The following ATAD2B variants were observed in gnomAD, a reference collection of about 807,000 sequenced individuals.
ATAD2B encodes ATPase family AAA domain containing 2B, also known as ATPase family AAA domain-containing protein 2B.
In ATAD2B, 40 loss-of-function variants were observed where a neutral mutation model predicts 167.6. The ratio of observed to expected loss-of-function variants is 0.24; its 90% CI spans 0.19 to 0.31. The LOEUF (loss-of-function observed/expected upper bound fraction) is 0.31, where lower values mean the gene tolerates loss of function less well. ATAD2B is among the 10% of genes least tolerant of loss of function. The pLI is 1.00. For synonymous variants in ATAD2B, 579 were observed against 596.5 expected (o/e 0.97, Z 0.43); for missense variants, 1,242 against 1,757.2 (o/e 0.71, Z 5.24).
Position 23,915,849 on chromosome 2 carries a change from C to T in ATAD2B, c.216+10706G>A, listed in dbSNP as rs562135018. Reference sequence around the variant, plus strand: ...CTCATGATCCGCCTGCCTCAGCCTCCCAAAGTGCTGGGATTACAGGCATGA... The same window carrying T: ...CTCATGATCCGCCTGCCTCAGCCTCTCAAAGTGCTGGGATTACAGGCATGA... On this transcript the variant is annotated intron_variant, in intron 1 of 27. Coordinates refer to ENST00000238789, the MANE Select transcript of ATAD2B (RefSeq NM_017552.4). Among the ~76,000 whole-genome samples the T allele has an allele frequency of 3.9e-5, 6 of 152,096 alleles. No individual in the cohort carries two copies. The South Asian group carries it at 1.2e-3, about 32-fold the overall frequency.
rs566841920 is a variant in ATAD2B, at chr2:23,767,157, T to C, written c.3134-1529A>G. Among the ~76,000 whole-genome samples, 13 of 152,110 alleles carry C rather than the reference T, an allele frequency of 8.5e-5. No individual in the cohort carries two copies. The East Asian group carries it at 2.5e-3, about 29-fold the overall frequency. ...CCTGCTCTACCCTGACTCATTCCAA[T>C]TACCTGCTCCACCCTGACTCATTCC... On this transcript the variant is annotated intron_variant, in intron 22 of 27. Transcript: ENST00000238789.
chr2:23,745,331 GAGAA>G (rs537531723), downstream of ATAD2B, among the ~76,000 whole-genome samples: 11 of 140,106 alleles, frequency 7.9e-5, no homozygotes, highest in East Asian at 2.2e-3. Context: ...GCGAGAAAGA[GAGAA>G]AGAGACAGAG....
At chr2:23,817,477 T>C (rs1686628383) in intron 17 of ATAD2B, among the ~76,000 whole-genome samples, 1 of 152,190 alleles carries the variant, frequency 6.6e-6, no homozygotes. Flanking sequence ...GGACAGCAAA[T>C]ATCACTACTT....
intron 1 of ATAD2B, among the ~76,000 whole-genome samples, chr2:23,924,308 C>T (rs1319905827): frequency 6.6e-6 from 1 of 152,160 alleles, no homozygotes; most frequent in African/African-American, 2.4e-5. Context: ...TCTGCGAAAG[C>T]AACAACACGG....
intron 1 of ATAD2B, among the ~76,000 whole-genome samples, chr2:23,920,752 T>A (rs72796340): frequency 0.12 from 18,326 of 152,166 alleles, 1,196 homozygotes; most frequent in Middle Eastern, 0.21. Flanking sequence ...AACACATACA[T>A]GATTCCCCCC....
At chr2:23,691,959 G>C in the ATAD2B span, 1 of 1,389,974 alleles carries the variant, frequency 7.2e-7, no homozygotes, top group African/African-American at 1.4e-5. Flanking sequence ...GACTGAGCGG[G>C]GAGGTCTGTG....
the ATAD2B span, among the ~76,000 whole-genome samples, chr2:23,736,611 G>A: frequency 4.6e-5 from 7 of 152,130 alleles, no homozygotes; most frequent in African/African-American, 7.2e-5. Flanking sequence ...AGCTCCCAGC[G>A]TGAGCAATGC....
At chr2:23,681,799 T>C in the ATAD2B span, among the ~76,000 whole-genome samples, 53 of 152,272 alleles carry the variant, frequency 3.5e-4, no homozygotes, top group East Asian at 9.7e-3. The surrounding 1 kb of genome is among the most constrained non-coding windows in gnomAD (Gnocchi z 4.2). Flanking sequence ...AAAGGGGATG[T>C]CATCTACCTG....
At chr2:23,768,747 C>A (rs1049717908) in intron 22 of ATAD2B, among the ~76,000 whole-genome samples, 2 of 152,064 alleles carry the variant, frequency 1.3e-5, no homozygotes, top group Admixed American at 6.6e-5. Flanking sequence ...AGTGGAATCA[C>A]AAAGAATATT....
chr2:23,790,888 T>C (rs1441370039), intron 19 of ATAD2B, among the ~76,000 whole-genome samples: 1 of 152,216 alleles, frequency 6.6e-6, no homozygotes, highest in African/African-American at 2.4e-5. Context: ...TACAGATGTG[T>C]AGCCATCACA....
At chr2:23,706,004 G>A in the ATAD2B span, among the ~76,000 whole-genome samples, 1 of 152,220 alleles carries the variant, frequency 6.6e-6, no homozygotes, top group Non-Finnish European at 1.5e-5. Flanking sequence ...GCAGCACCAG[G>A]TCACACAGAA....
At chr2:23,832,343 A>ATCT (rs1427975429) in intron 14 of ATAD2B, 2 of 371,834 alleles carry the variant, frequency 5.4e-6, no homozygotes, top group Middle Eastern at 7.5e-4. Flanking sequence ...AATGACTTAG[A>ATCT]TTTCAGTCTC....
the ATAD2B span, among the ~76,000 whole-genome samples, chr2:23,743,183 C>G: frequency 1.3e-5 from 2 of 151,332 alleles, no homozygotes; most frequent in Admixed American, 1.3e-4. Context: ...TGGTGTACAC[C>G]AATGCAAAAT....
intron 13 of ATAD2B, among the ~76,000 whole-genome samples, chr2:23,841,817 G>T (rs140027676): frequency 6.6e-6 from 1 of 152,170 alleles, no homozygotes; most frequent in Non-Finnish European, 1.5e-5. Context: ...CACTCATCCA[G>T]AAATTCATTC....
At chr2:23,816,049 A>G (rs1269970673) in intron 17 of ATAD2B, among the ~76,000 whole-genome samples, 1 of 152,230 alleles carries the variant, frequency 6.6e-6, no homozygotes, top group Admixed American at 6.5e-5. Flanking sequence ...AAACATTTGA[A>G]TGAGTGAATG....
intron 10 of ATAD2B, among the ~76,000 whole-genome samples, chr2:23,866,196 A>G (rs763655206): frequency 8.5e-5 from 13 of 152,316 alleles, no homozygotes; most frequent in Admixed American, 3.3e-4. Flanking sequence ...ACCTGAGCTT[A>G]GGAGTTCGAG....
intron 22 of ATAD2B, among the ~76,000 whole-genome samples, chr2:23,766,950 A>C (rs989972716): frequency 6.6e-6 from 1 of 151,352 alleles, no homozygotes; most frequent in East Asian, 1.9e-4. Context: ...GTGCAGGTTC[A>C]GAAAATACCA....
chr2:23,718,050 T>C, the ATAD2B span, among the ~76,000 whole-genome samples: 1 of 152,224 alleles, frequency 6.6e-6, no homozygotes, highest in Non-Finnish European at 1.5e-5. Flanking sequence ...TAAGATGGTG[T>C]AGGTATATTC....
chr2:23,872,582 G>A (rs1696167642), intron 8 of ATAD2B: 2 of 1,234,946 alleles, frequency 1.6e-6, no homozygotes, highest in Non-Finnish European at 2.4e-6. Context: ...CGTGAGGTCT[G>A]CATGCCTGCG....
Sources: gnomAD v4.1 joint callset for allele counts (sites outside exome capture counted in the v4.1 genomes callset) on GRCh38, gnomAD v4.1.1 for gene constraint, Gnocchi (gnomAD v3.1) non-coding constraint, MANE v1.5 for transcripts, NCBI Gene and HGNC (gene_info 2026-07-23, HGNC 2026-07-21) for gene names.